The following ZMAT4 variants were observed in gnomAD, a reference collection of about 807,000 sequenced individuals.
ZMAT4 encodes the protein zinc finger matrin-type 4.
Under a neutral mutation model 28.7 loss-of-function variants are expected in ZMAT4, and 17 were observed. That is an observed-to-expected ratio of 0.59 (90% CI 0.41 to 0.89). ZMAT4 has a LOEUF of 0.89. ZMAT4 is among the 40% of genes least tolerant of loss of function. The pLI is 0.00. For synonymous variants in ZMAT4, 117 were observed against 109.2 expected (o/e 1.07, Z -0.44); for missense variants, 240 against 283.8 (o/e 0.85, Z 1.11).
At chr8:40,687,930 C>T (rs1012131850) in intron 4 of ZMAT4, among the ~76,000 whole-genome samples, 19 of 152,152 alleles carry the variant, frequency 1.2e-4, no homozygotes, top group African/African-American at 4.6e-4. Flanking sequence ...GTTAAGTGAT[C>T]TCAACAAGTG....
chr8:40,794,333 C>T (rs972082134), intron 2 of ZMAT4, among the ~76,000 whole-genome samples: 2 of 152,198 alleles, frequency 1.3e-5, no homozygotes, highest in Non-Finnish European at 2.9e-5. Context: ...CTGACTCAGA[C>T]ATGGAGTTAC....
At chr8:40,726,750 A>G (rs1811331175) in intron 3 of ZMAT4, among the ~76,000 whole-genome samples, 1 of 152,220 alleles carries the variant, frequency 6.6e-6, no homozygotes, top group Non-Finnish European at 1.5e-5. Flanking sequence ...CTTTTGTACT[A>G]TAACAGCAGA....
intron 2 of ZMAT4, among the ~76,000 whole-genome samples, chr8:40,788,887 A>C (rs1474489575): frequency 6.7e-6 from 1 of 150,318 alleles, no homozygotes; most frequent in East Asian, 2.0e-4. Context: ...ACCAAAGGAT[A>C]TTTGTCCCAG....
intron 3 of ZMAT4, among the ~76,000 whole-genome samples, chr8:40,728,929 C>T (rs1419602896): frequency 5.9e-5 from 9 of 152,128 alleles, no homozygotes; most frequent in Non-Finnish European, 1.2e-4. Context: ...TCATACGAAT[C>T]GAATTATACA....
chr8:40,539,089 T>C (rs1802943756), intron 6 of ZMAT4, among the ~76,000 whole-genome samples: 1 of 152,200 alleles, frequency 6.6e-6, no homozygotes, highest in Non-Finnish European at 1.5e-5. Context: ...CGGCCTTTTA[T>C]TGCATTTTTC....
At chr8:40,897,230 G>A (rs1012333814) in intron 1 of ZMAT4, among the ~76,000 whole-genome samples, 1 of 152,100 alleles carries the variant, frequency 6.6e-6, no homozygotes, top group African/African-American at 2.4e-5. Flanking sequence ...TCCAGTTGAA[G>A]GTCACAATAG....
At chr8:40,794,861 A>G (rs1056907343) in intron 2 of ZMAT4, among the ~76,000 whole-genome samples, 1 of 151,698 alleles carries the variant, frequency 6.6e-6, no homozygotes, top group African/African-American at 2.4e-5. Flanking sequence ...GTTCATGTGA[A>G]GACAAGGGCT....
chr8:40,756,457 T>TATATATAC (rs1278110013), intron 3 of ZMAT4, among the ~76,000 whole-genome samples: 12 of 113,292 alleles, frequency 1.1e-4, no homozygotes, highest in South Asian at 9.5e-4. Context: ...TATATATATA[T>TATATATAC]ACACACTTGT....
chr8:40,688,784 G>A lies in ZMAT4; in HGVS notation c.349+8461C>T, dbSNP rs549670689. Among the ~76,000 whole-genome samples, 205 of 152,278 alleles carry A rather than the reference G, an allele frequency of 1.3e-3. 1 individual carries two copies. The highest frequency in any genetic ancestry group is 4.6e-3 in the African/African-American group (192 of 41,558). ...AATTTACATAGCAGAGTAACCTATC[G>A]AGAAATTAGAAATTATTTTCTTATA... is the stretch of plus-strand genomic sequence containing the variant. On this transcript the variant is annotated intron_variant, in intron 4 of 6. Transcript: ENST00000297737.
At chr8:40,696,610 C>T (rs1345180641) in intron 4 of ZMAT4, among the ~76,000 whole-genome samples, 4 of 152,064 alleles carry the variant, frequency 2.6e-5, no homozygotes, top group African/African-American at 7.2e-5. Context: ...ATTAGAAGGT[C>T]AAATCATCGG....
chr8:40,802,494 A>G (rs1814891818), intron 2 of ZMAT4, among the ~76,000 whole-genome samples: 2 of 152,028 alleles, frequency 1.3e-5, no homozygotes, highest in African/African-American at 4.8e-5. Context: ...ACTTATTTAT[A>G]AATATAATAA....
chr8:40,686,577 G>A (rs555183667), intron 4 of ZMAT4, among the ~76,000 whole-genome samples: 13 of 152,192 alleles, frequency 8.5e-5, no homozygotes, highest in Admixed American at 2.6e-4. Flanking sequence ...GCAGTGAGCC[G>A]TGGTTGTGCC....
At chr8:40,801,196 C>CTA (rs1313437117) in intron 2 of ZMAT4, among the ~76,000 whole-genome samples, 1 of 151,102 alleles carries the variant, frequency 6.6e-6, no homozygotes, top group African/African-American at 2.4e-5. Flanking sequence ...GTTAATAGGC[C>CTA]TATATATATT....
intron 6 of ZMAT4, among the ~76,000 whole-genome samples, chr8:40,560,748 C>T (rs1038152232): frequency 1.3e-5 from 2 of 152,078 alleles, no homozygotes; most frequent in African/African-American, 2.4e-5. Context: ...GCTATGACTT[C>T]GAGACTACAA....
intron 2 of ZMAT4, among the ~76,000 whole-genome samples, chr8:40,816,631 C>T (rs989661004): frequency 5.9e-5 from 9 of 152,116 alleles, no homozygotes; most frequent in African/African-American, 2.2e-4. Context: ...TACCTGCCTA[C>T]GGAGCTTACA....
chr8:40,708,728 C>T (rs1273178537), intron 3 of ZMAT4, among the ~76,000 whole-genome samples: 4 of 150,236 alleles, frequency 2.7e-5, no homozygotes, highest in African/African-American at 9.8e-5. Context: ...CAGCTCACTG[C>T]AACCTCCGCC....
chr8:40,707,834 T>C (rs1204186439), intron 3 of ZMAT4, among the ~76,000 whole-genome samples: 1 of 152,194 alleles, frequency 6.6e-6, no homozygotes, highest in Non-Finnish European at 1.5e-5. Flanking sequence ...GGGTAGAAAC[T>C]CTGTTTTGTT....
At position 40,760,706 on chromosome 8, in the gene ZMAT4, G is replaced by GTCTCTCTCTC. The variant is rs56024719; in HGVS notation, c.192+6925_192+6934dup. ...TCTCTCTCTCTCTCTCTCTGTCACA[G>GTCTCTCTCTC]TCTCTCTCTCTCTCTCTCTCTCTCT... On this transcript the variant is annotated intron_variant, in intron 3 of 6. Coordinates refer to ENST00000297737, the MANE Select transcript of ZMAT4 (RefSeq NM_024645.3). 5.5e-3 allele frequency among the ~76,000 whole-genome samples: 778 copies of GTCTCTCTCTC among 142,508 alleles called. 10 individuals are homozygous for GTCTCTCTCTC. Among genetic ancestry groups the GTCTCTCTCTC allele is most frequent in the African/African-American group, 0.015 (550 of 37,876 alleles). 93.5% of individuals were successfully genotyped at this position (142,508 alleles called of 152,430 possible).
intron 5 of ZMAT4, among the ~76,000 whole-genome samples, chr8:40,614,985 T>C (rs1464097958): frequency 6.6e-6 from 1 of 152,226 alleles, no homozygotes; most frequent in Non-Finnish European, 1.5e-5. Flanking sequence ...TAGACGGTTA[T>C]TTTGCTCTTT....
Sources: gnomAD v4.1 joint callset for allele counts (sites outside exome capture counted in the v4.1 genomes callset) on GRCh38, gnomAD v4.1.1 for gene constraint, MANE v1.5 for transcripts, NCBI Gene and HGNC (gene_info 2026-07-23, HGNC 2026-07-21) for gene names.